Variants in PRR16 observed in about 807,000 individuals in gnomAD.
PRR16 encodes proline rich 16.
A neutral mutation model predicts 18.2 loss-of-function variants in PRR16; 6 were observed. That is an observed-to-expected ratio of 0.33 (90% CI 0.18 to 0.65). The LOEUF (loss-of-function observed/expected upper bound fraction) is 0.65. Among genes scored for constraint, PRR16 ranks in the 30% least tolerant of loss-of-function variants. The probability of loss-of-function intolerance (pLI) is 0.74; values close to 1 mark genes in which losing one functional copy is unlikely to be tolerated. For synonymous variants in PRR16, 151 were observed against 147.8 expected, an observed-to-expected ratio of 1.02 and a Z score of -0.16; for missense variants, 412 against 376.6, an observed-to-expected ratio of 1.09 and a Z score of -0.78.
intron 1 of PRR16, among the ~76,000 whole-genome samples, chr5:120,516,869 T>C (rs531731870): frequency 2.8e-4 from 43 of 152,344 alleles, no homozygotes; most frequent in African/African-American, 9.4e-4. Flanking sequence ...GTTTTAGCAA[T>C]TTCCATATGG....
intron 1 of PRR16, among the ~76,000 whole-genome samples, chr5:120,681,768 C>G (rs922176878): frequency 6.6e-6 from 1 of 152,124 alleles, no homozygotes; most frequent in African/African-American, 2.4e-5. Flanking sequence ...TGAACCTATT[C>G]CTAAATTTTC....
At chr5:120,733,687 T>C in the PRR16 span, among the ~76,000 whole-genome samples, 303 of 152,302 alleles carry the variant, frequency 2.0e-3, 1 homozygote, top group African/African-American at 7.2e-3. Flanking sequence ...GTTTTCAAAC[T>C]GTAATTAATA....
At chr5:120,492,268 G>C (rs1750082966) in intron 1 of PRR16, among the ~76,000 whole-genome samples, 4 of 149,112 alleles carry the variant, frequency 2.7e-5, no homozygotes, top group Admixed American at 2.0e-4. Flanking sequence ...GTGTGTGTGT[G>C]TGTGTGTGTG....
intron 1 of PRR16, among the ~76,000 whole-genome samples, chr5:120,508,172 T>G (rs550355290): frequency 1.3e-5 from 2 of 152,242 alleles, no homozygotes; most frequent in East Asian, 3.9e-4. Context: ...CCCTTTCCCC[T>G]TCCTGGAATA....
intron 1 of PRR16, among the ~76,000 whole-genome samples, chr5:120,642,893 A>G (rs1755469821): frequency 6.6e-6 from 1 of 152,064 alleles, no homozygotes. Context: ...CTGTTTCTCT[A>G]AGACACTTGG....
At chr5:120,694,334 A>G in the PRR16 span, among the ~76,000 whole-genome samples, 2 of 152,206 alleles carry the variant, frequency 1.3e-5, no homozygotes, top group African/African-American at 2.4e-5. Flanking sequence ...ATTCATCTGT[A>G]GAAGTCTCAT....
chr5:120,731,101 A>T, the PRR16 span, among the ~76,000 whole-genome samples: 1 of 152,286 alleles, frequency 6.6e-6, no homozygotes, highest in East Asian at 1.9e-4. Flanking sequence ...TTGTGAGAAA[A>T]TTGAGGTATA....
the PRR16 span, among the ~76,000 whole-genome samples, chr5:120,698,505 G>GTAACAGTCT: frequency 1.2e-5 from 1 of 86,472 alleles, no homozygotes; most frequent in Non-Finnish European, 2.6e-5. Flanking sequence ...ATGGCTTGGA[G>GTAACAGTCT]AAACAGTGTA....
chr5:120,621,320 C>A (rs545826304), intron 1 of PRR16, among the ~76,000 whole-genome samples: 31 of 152,200 alleles, frequency 2.0e-4, no homozygotes, highest in African/African-American at 5.1e-4. Flanking sequence ...CTTCTTCCTG[C>A]TGCTTGTCTT....
chr5:120,590,637 G>T (rs1753601244), intron 1 of PRR16, among the ~76,000 whole-genome samples: 1 of 152,040 alleles, frequency 6.6e-6, no homozygotes, highest in African/African-American at 2.4e-5. Flanking sequence ...TTAGAAGTTA[G>T]ACAAATCCTG....
At chr5:120,756,444 G>T in the PRR16 span, among the ~76,000 whole-genome samples, 2 of 151,796 alleles carry the variant, frequency 1.3e-5, no homozygotes, top group African/African-American at 2.4e-5. Context: ...TTTTCTCTGC[G>T]GCCTCACCAG....
intron 1 of PRR16, among the ~76,000 whole-genome samples, chr5:120,573,856 G>A (rs1752980229): frequency 6.6e-6 from 1 of 150,990 alleles, no homozygotes; most frequent in South Asian, 2.1e-4. Flanking sequence ...TAGTATAAAG[G>A]CGAATTTATA....
chr5:120,607,766 A>T (rs1382852487), intron 1 of PRR16, among the ~76,000 whole-genome samples: 1 of 151,774 alleles, frequency 6.6e-6, no homozygotes, highest in Non-Finnish European at 1.5e-5. Context: ...CCTAGAGGTG[A>T]TAACCATGTG....
chr5:120,780,113 C>G, the PRR16 span, among the ~76,000 whole-genome samples: 1 of 152,126 alleles, frequency 6.6e-6, no homozygotes, highest in Non-Finnish European at 1.5e-5. Flanking sequence ...AACTGAGTCT[C>G]AAAAACTATC....
At chr5:120,487,489 A>T (rs1183621581) in intron 1 of PRR16, among the ~76,000 whole-genome samples, 1 of 152,174 alleles carries the variant, frequency 6.6e-6, no homozygotes, top group Non-Finnish European at 1.5e-5. Flanking sequence ...ATTTTTGCAC[A>T]TTGATTTTCT....
intron 1 of PRR16, among the ~76,000 whole-genome samples, chr5:120,683,921 CAAA>C (rs55985484): frequency 8.2e-6 from 1 of 121,736 alleles, no homozygotes. Context: ...ACTTCTGCTT[CAAA>C]AAAAAAAAAA....
At chr5:120,638,744 C>G (rs1015584491) in intron 1 of PRR16, among the ~76,000 whole-genome samples, 1 of 152,056 alleles carries the variant, frequency 6.6e-6, no homozygotes, top group African/African-American at 2.4e-5. Flanking sequence ...CCCTAACACA[C>G]TCACACACAG....
intron 1 of PRR16, among the ~76,000 whole-genome samples, chr5:120,569,002 CT>C (rs1752821483): frequency 6.6e-6 from 1 of 152,024 alleles, no homozygotes; most frequent in Non-Finnish European, 1.5e-5. Flanking sequence ...TTTTATTTCT[CT>C]AATGTGACCC....
chr5:120,716,371 A>G, the PRR16 span, among the ~76,000 whole-genome samples: 1 of 152,160 alleles, frequency 6.6e-6, no homozygotes, highest in African/African-American at 2.4e-5. Context: ...AAACATACAT[A>G]TATTTCCACT....
Sources: gnomAD v4.1 joint callset for allele counts (sites outside exome capture counted in the v4.1 genomes callset) on GRCh38, gnomAD v4.1.1 for gene constraint, MANE v1.5 for transcripts, NCBI Gene and HGNC (gene_info 2026-07-23, HGNC 2026-07-21) for gene names.